Variants in ATXN7L1 observed in about 807,000 individuals in gnomAD.
ATXN7L1 encodes the protein ataxin-7-like protein 1.
In ATXN7L1, 15 loss-of-function variants were observed where a neutral mutation model predicts 70.8. The observed-to-expected ratio is 0.21, with a 90% confidence interval of 0.14 to 0.33. ATXN7L1 has a LOEUF of 0.33. ATXN7L1 is among the 10% of genes least tolerant of loss of function. ATXN7L1 has a pLI of 1.00. For synonymous variants in ATXN7L1, 440 were observed against 445.1 expected (o/e 0.99, Z 0.14); for missense variants, 975 against 1,097.1 (o/e 0.89, Z 1.57).
At chr7:105,708,081 T>A (rs1021639089) in intron 3 of ATXN7L1, among the ~76,000 whole-genome samples, 9 of 152,144 alleles carry the variant, frequency 5.9e-5, no homozygotes, top group Non-Finnish European at 1.0e-4. Flanking sequence ...CGCGAAGTGT[T>A]TTATCTCTGA....
At chr7:105,749,844 T>C (rs1798988213) in intron 3 of ATXN7L1, among the ~76,000 whole-genome samples, 2 of 151,902 alleles carry the variant, frequency 1.3e-5, no homozygotes, top group Admixed American at 6.6e-5. Context: ...CACAATTGTC[T>C]GTTGTCACCC....
intron 3 of ATXN7L1, among the ~76,000 whole-genome samples, chr7:105,667,455 T>C (rs1193740461): frequency 1.0e-5 from 1 of 98,048 alleles, no homozygotes; most frequent in Non-Finnish European, 2.3e-5. Context: ...ATCCCAGCAC[T>C]TTGGGAGGCC....
chr7:105,672,301 A>T (rs1179590189), intron 3 of ATXN7L1, among the ~76,000 whole-genome samples: 1 of 152,150 alleles, frequency 6.6e-6, no homozygotes, highest in Non-Finnish European at 1.5e-5. Context: ...CCCCCCAAAA[A>T]AGAGAGGCAC....
intron 3 of ATXN7L1, among the ~76,000 whole-genome samples, chr7:105,715,541 T>C (rs1794438225): frequency 1.3e-5 from 2 of 152,280 alleles, no homozygotes; most frequent in Non-Finnish European, 2.9e-5. Flanking sequence ...GCTACCCTCC[T>C]GGATAACTGG....
chr7:105,762,721 C>A (rs1413002272), intron 3 of ATXN7L1, among the ~76,000 whole-genome samples: 2 of 152,202 alleles, frequency 1.3e-5, no homozygotes, highest in Non-Finnish European at 2.9e-5. Flanking sequence ...AAAGGTGGAG[C>A]CCAATTCCCT....
intron 3 of ATXN7L1, among the ~76,000 whole-genome samples, chr7:105,754,194 G>C (rs1799527047): frequency 6.6e-6 from 1 of 152,136 alleles, no homozygotes; most frequent in Non-Finnish European, 1.5e-5. Context: ...GGCAGGCACA[G>C]AGCACAGGTG....
intron 2 of ATXN7L1, among the ~76,000 whole-genome samples, chr7:105,829,265 T>C (rs577888734): frequency 6.0e-4 from 80 of 133,214 alleles, no homozygotes; most frequent in African/African-American, 2.1e-3. Flanking sequence ...CTACTAAAAA[T>C]ACAAACAAAA....
intron 2 of ATXN7L1, among the ~76,000 whole-genome samples, chr7:105,792,002 C>G (rs1805319328): frequency 6.6e-6 from 1 of 152,188 alleles, no homozygotes; most frequent in African/African-American, 2.4e-5. Flanking sequence ...GCACCTTTGT[C>G]TTACATGCTG....
At position 105,710,647 on chromosome 7, in the gene ATXN7L1, G is replaced by A. The variant is rs572780473; in HGVS notation, c.356-45359C>T. Among the ~76,000 whole-genome samples the A allele has an allele frequency of 7.5e-4, 114 of 151,366 alleles. 2 individuals are homozygous for A. The South Asian group carries it at 9.2e-3, about 12-fold the overall frequency. On this transcript the variant is annotated intron_variant, in intron 3 of 11. Coordinates refer to ENST00000419735, the MANE Select transcript of ATXN7L1 (RefSeq NM_020725.2). ...AGGATGGTCTCGATCTCCTGACCTC[G>A]TGATCCACCCACCTCGGCCTCCCAA...
chr7:105,680,136 T>C (rs1460887798), intron 3 of ATXN7L1, among the ~76,000 whole-genome samples: 1 of 151,472 alleles, frequency 6.6e-6, no homozygotes, highest in Non-Finnish European at 1.5e-5. Context: ...CTCAGAAGTA[T>C]GATTTTCCTG....
intron 2 of ATXN7L1, among the ~76,000 whole-genome samples, chr7:105,850,779 G>A (rs1296902107): frequency 2.6e-5 from 4 of 152,098 alleles, no homozygotes; most frequent in Non-Finnish European, 5.9e-5. Context: ...AGGAGCTCCC[G>A]GTTTCCCATC....
chr7:105,665,090 G>A lies in ATXN7L1; in HGVS notation c.554C>T (p.Ala185Val), dbSNP rs751878322. Residue 185 changes from alanine to valine, a missense_variant, in exon 4 of 12, where the codon GCG becomes GTG. Around this residue, in one of 5 missense-constraint regions of ATXN7L1, gnomAD observed 192 missense variants for 215.5 expected, o/e 0.89. Coordinates refer to ENST00000419735, the MANE Select transcript of ATXN7L1 (RefSeq NM_020725.2). ...SSSKQHTVFP[A>V]KGSRDKPCVP... ...CCATGGTTTATCCCTTGATCCTTTC[G>A]CAGGAAAGACTGTGTGCTGTTTGCT... The A allele has an allele frequency of 1.5e-5, 24 of 1,551,178 alleles. No individual in the cohort carries two copies. Among genetic ancestry groups the A allele is most frequent in the East Asian group, 2.4e-5 (1 of 40,926 alleles).
intron 3 of ATXN7L1, among the ~76,000 whole-genome samples, chr7:105,702,583 C>T (rs1305017739): frequency 1.3e-5 from 2 of 152,042 alleles, no homozygotes; most frequent in African/African-American, 4.8e-5. Context: ...TACACACACA[C>T]ACAGGGCGAA....
At chr7:105,874,494 C>T (rs181441719) in intron 2 of ATXN7L1, among the ~76,000 whole-genome samples, 16 of 152,318 alleles carry the variant, frequency 1.1e-4, no homozygotes, top group African/African-American at 3.8e-4. Context: ...TGTAAGAAGT[C>T]CACTTGACAT....
intron 3 of ATXN7L1, among the ~76,000 whole-genome samples, chr7:105,688,211 C>T (rs1373844064): frequency 2.6e-5 from 4 of 152,140 alleles, no homozygotes; most frequent in African/African-American, 9.7e-5. Flanking sequence ...GCATACCCTA[C>T]CCTGATATCA....
intron 4 of ATXN7L1, among the ~76,000 whole-genome samples, chr7:105,664,577 A>ATGTG (rs1802308366): frequency 1.8e-5 from 2 of 111,496 alleles, no homozygotes; most frequent in East Asian, 7.4e-4. Flanking sequence ...ATGTGTGTGT[A>ATGTG]TATATATATA....
At chr7:105,752,236 A>G (rs1048486435) in intron 3 of ATXN7L1, among the ~76,000 whole-genome samples, 3 of 152,300 alleles carry the variant, frequency 2.0e-5, no homozygotes, top group Admixed American at 6.5e-5. Context: ...CGATGGTACA[A>G]ATGTCCTGCA....
intron 2 of ATXN7L1, among the ~76,000 whole-genome samples, chr7:105,845,515 C>CTT (rs61110572): frequency 0.16 from 22,366 of 138,240 alleles, 1,875 homozygotes; most frequent in Middle Eastern, 0.22. Context: ...AGTACCCAGT[C>CTT]TTTTTTTTTT....
chr7:105,709,989 C>T (rs966734339), intron 3 of ATXN7L1, among the ~76,000 whole-genome samples: 2 of 152,046 alleles, frequency 1.3e-5, no homozygotes, highest in Admixed American at 6.5e-5. Flanking sequence ...CCTCCCACCT[C>T]AGCCTCCTGA....
Sources: allele counts gnomAD v4.1 joint callset (sites outside exome capture counted in the v4.1 genomes callset), GRCh38; gene constraint gnomAD v4.1.1; regional missense constraint gnomAD v4.1.1; transcripts MANE v1.5; gene names NCBI Gene and HGNC (gene_info 2026-07-23, HGNC 2026-07-21).